DIP2C: variants seen among roughly 807,000 people sequenced by gnomAD.
DIP2C encodes the protein DIP2 acetate--CoA ligase C (putative).
In DIP2C, 33 loss-of-function variants were observed where a neutral mutation model predicts 192.4. The observed-to-expected ratio is 0.17, with a 90% CI of 0.13 to 0.23. The LOEUF is 0.23. Among genes scored for constraint, DIP2C ranks in the 10% least tolerant of loss-of-function variants. The probability of loss-of-function intolerance (pLI) is 1.00; values close to 1 mark genes in which losing one functional copy is unlikely to be tolerated. For synonymous variants in DIP2C, 979 were observed against 864.1 expected (o/e 1.13, Z -2.33); for missense variants, 1,537 against 2,110.1 (o/e 0.73, Z 5.32).
In DIP2C at chr10:636,122, C is replaced by T. The variant is rs185771111; in HGVS notation, c.85+53372G>A. 9.0e-4 allele frequency among the ~76,000 whole-genome samples: 137 copies of T among 152,270 alleles called. 1 individual carries two copies. Among genetic ancestry groups the T allele is most frequent in the Admixed American group, 3.6e-3 (55 of 15,298 alleles). On this transcript the variant is annotated intron_variant, in intron 1 of 36. Coordinates refer to ENST00000280886, the MANE Select transcript of DIP2C (RefSeq NM_014974.3). This position sits in a 1 kb window ranked among gnomAD's most constrained non-coding sequence, Gnocchi z 4.6. The stretch of plus-strand genomic sequence containing the variant: ...ATCAACCTGTGCTCATAGCTACATA[C>T]AAAATAACTTTATCACAAGGAAAAC...
At chr10:676,795 G>A (rs951175430) in intron 1 of DIP2C, among the ~76,000 whole-genome samples, 1 of 152,126 alleles carries the variant, frequency 6.6e-6, no homozygotes, top group Non-Finnish European at 1.5e-5. Flanking sequence ...AGGGTGGCGG[G>A]AAGGGAGAAA....
At chr10:514,240 G>A (rs12266769) in intron 1 of DIP2C, among the ~76,000 whole-genome samples, 4 of 151,862 alleles carry the variant, frequency 2.6e-5, no homozygotes, top group African/African-American at 7.3e-5. Context: ...CCAGGAGAGC[G>A]TATTTACACA....
Position 348,636 on chromosome 10 carries a change from G to C in DIP2C, c.3231+5C>G, listed in dbSNP as rs998354903. 6.2e-7 allele frequency: 1 copy of C among 1,612,414 alleles called. No homozygotes were observed. The highest frequency in any genetic ancestry group is 8.5e-7 in the Non-Finnish European group (1 of 1,179,518). On this transcript the variant is annotated splice_donor_5th_base_variant and intron_variant, in intron 26 of 36. Transcript: ENST00000280886. ...TGGAGGCCCCGACATTCCCAGGCAT[G>C]TTACCTCCACAATCATCTTGACGGT...
Position 413,894 on chromosome 10 carries a change from G to A in DIP2C, c.1057+19C>T. ...TGCGAGGGGGTGGGCAAAGGGCAGA[G>A]AGTGAGCCTGGGGATTACCGTAAGT... On this transcript the variant is annotated intron_variant, in intron 8 of 36. Transcript: ENST00000280886. 6.2e-7 allele frequency: 1 copy of A among 1,610,440 alleles called. No homozygotes were observed. Among genetic ancestry groups the A allele is most frequent in the Non-Finnish European group, 8.5e-7 (1 of 1,177,518 alleles).
intron 24 of DIP2C, chr10:356,135 CAT>C (rs1477682200): frequency 1.9e-5 from 10 of 539,304 alleles, no homozygotes; most frequent in African/African-American, 3.8e-5. Context: ...GCAAATATCT[CAT>C]AGACTTACGA....
chr10:286,454 T>C, intron 33 of DIP2C, 107 bp from the exon 34 acceptor site: 1 of 1,031,962 alleles, frequency 9.7e-7, no homozygotes, highest in South Asian at 1.4e-5. Context: ...CAAGACTGTT[T>C]AGAAAGCAAT....
chr10:306,035 T>A (rs1956307243), intron 32 of DIP2C, among the ~76,000 whole-genome samples: 1 of 151,708 alleles, frequency 6.6e-6, no homozygotes, highest in South Asian at 2.1e-4. Flanking sequence ...ACTCAAGTAT[T>A]CATGGAAAGA....
At chr10:281,094 T>G (rs576716686) in intron 36 of DIP2C, 106 bp downstream of exon 36, 1 of 1,499,186 alleles carries the variant, frequency 6.7e-7, no homozygotes, top group East Asian at 2.3e-5. Context: ...TCGCACCCCC[T>G]TCCCTACCTT....
At chr10:484,296 A>G (rs543436652) in intron 2 of DIP2C, among the ~76,000 whole-genome samples, 83 of 152,256 alleles carry the variant, frequency 5.5e-4, no homozygotes, top group African/African-American at 2.0e-3. Context: ...CCTTACCTCT[A>G]AGAACATACT....
chr10:604,104 CCT>C (rs1257935141), intron 1 of DIP2C, among the ~76,000 whole-genome samples: 2 of 151,282 alleles, frequency 1.3e-5, no homozygotes, highest in East Asian at 3.9e-4. Context: ...CCTCGTACTC[CCT>C]CTCATCAAGG....
intron 18 of DIP2C, among the ~76,000 whole-genome samples, chr10:367,383 C>G (rs376530970): frequency 9.9e-5 from 15 of 150,762 alleles, no homozygotes; most frequent in Admixed American, 1.3e-4. Context: ...CGCCACTGCA[C>G]TCCAGCCTGG....
intron 1 of DIP2C, among the ~76,000 whole-genome samples, chr10:598,338 C>T (rs1014635690): frequency 4.6e-5 from 7 of 152,224 alleles, no homozygotes; most frequent in African/African-American, 1.7e-4. Context: ...CCCATCGCAC[C>T]AAGAGACCCC....
At position 408,942 on chromosome 10, in the gene DIP2C, A is replaced by G. The variant is rs1304859763; in HGVS notation, c.1133T>C (p.Val378Ala). 1 of 1,614,114 alleles carries G rather than the reference A, an allele frequency of 6.2e-7. No individual in the cohort carries two copies. The highest frequency in any genetic ancestry group is 8.5e-7 in the Non-Finnish European group (1 of 1,180,048). ...TGCACTTACCCTATCTCCAGGCCGG[A>G]CCATGGGTTCCTGCTTTGTGCCTAA... Reference protein sequence around the residue: ...HKLGTKQEPMVRPGDRVALVF... With the variant: ...HKLGTKQEPMARPGDRVALVF... The change falls in exon 9 of 37, where the codon GTC becomes GCC. Residue 378 changes from valine to alanine, a missense_variant. By Grantham distance (64) the Val-to-Ala change is moderately conservative (BLOSUM62 0). This residue lies in a region of DIP2C where 473 missense variants were observed against 539.6 expected (regional missense o/e 0.88). Transcript: ENST00000280886.
In DIP2C at chr10:487,567, G is replaced by GTTT. The variant is rs71376836; in HGVS notation, c.86-1040_86-1038dup. Among the ~76,000 whole-genome samples, 173 of 54,196 alleles carry GTTT rather than the reference G, an allele frequency of 3.2e-3. 24 individuals are homozygous for GTTT. The highest frequency in any genetic ancestry group is 8.1e-3 in the African/African-American group (102 of 12,570). 35.6% of individuals were successfully genotyped at this position (54,196 alleles called of 152,430 possible). On this transcript the variant is annotated intron_variant, in intron 1 of 36. Transcript: ENST00000280886. ...AACCCGCATCCGCCCATCAATGAGT[G>GTTT]TTTTTTTTTTTTTTTTTTTTTTTTT... is the stretch of plus-strand genomic sequence containing the variant.
Position 387,919 on chromosome 10 carries a change from A to G in DIP2C, c.1598-110T>C, listed in dbSNP as rs955253207. ...AGGGGAAATAACAGATCTTGGGAAA[A>G]TATCATTTTGCCGTATCTTGGTGGA... On this transcript the variant is annotated intron_variant, in intron 13 of 36. Coordinates refer to ENST00000280886, the MANE Select transcript of DIP2C (RefSeq NM_014974.3). 1.1e-4 allele frequency: 133 copies of G among 1,253,140 alleles called. No individual in the cohort carries two copies. In the Middle Eastern group the frequency reaches 2.2e-3, roughly 21 times the overall value. The allele number at this position is 1,253,140 out of a possible 1,614,324, so 77.6% of individuals were successfully genotyped here.
chr10:536,422 C>T (rs567517672), intron 1 of DIP2C, among the ~76,000 whole-genome samples: 77 of 152,308 alleles, frequency 5.1e-4, no homozygotes, highest in African/African-American at 1.6e-3. Flanking sequence ...CCCTGTTCCC[C>T]ATAGGGACGT....
chr10:400,302 A>G lies in DIP2C; in HGVS notation c.1150-1083T>C, dbSNP rs183411691. Among the ~76,000 whole-genome samples, 312 of 151,464 alleles carry G rather than the reference A, an allele frequency of 2.1e-3. 1 individual carries two copies. The highest frequency in any genetic ancestry group is 0.014 in the Middle Eastern group (4 of 294). On this transcript the variant is annotated intron_variant, in intron 9 of 36. Coordinates refer to ENST00000280886, the MANE Select transcript of DIP2C (RefSeq NM_014974.3). ...TCCCCGCAAAGTGTTGGGATTACAG[A>G]TGTGAGCCACTGTTGCCTGGCCAGT...
At chr10:649,988 C>T (rs1012899411) in intron 1 of DIP2C, 10 of 631,220 alleles carry the variant, frequency 1.6e-5, no homozygotes, top group East Asian at 2.7e-5. Flanking sequence ...CAGTGTTTGC[C>T]GTCCAAAGTT....
chr10:624,318 G>A (rs1339667279), intron 1 of DIP2C, among the ~76,000 whole-genome samples: 1 of 152,204 alleles, frequency 6.6e-6, no homozygotes, highest in Non-Finnish European at 1.5e-5. Context: ...GGCTGCAGAT[G>A]GGGCCCTCAC....
Sources: allele counts gnomAD v4.1 joint callset (sites outside exome capture counted in the v4.1 genomes callset), GRCh38; gene constraint gnomAD v4.1.1; regional missense constraint gnomAD v4.1.1; non-coding constraint Gnocchi (gnomAD v3.1); transcripts MANE v1.5; gene names NCBI Gene and HGNC (gene_info 2026-07-23, HGNC 2026-07-21).